Variants in DOCK5 observed in about 807,000 individuals in gnomAD.
DOCK5 encodes dedicator of cytokinesis 5.
A neutral mutation model predicts 251.8 loss-of-function variants in DOCK5; 142 were observed. The observed-to-expected ratio is 0.56, with a 90% CI of 0.49 to 0.65. The LOEUF (loss-of-function observed/expected upper bound fraction) is 0.65, where lower values mean the gene tolerates loss of function less well. Ranked by LOEUF, DOCK5 falls within the 30% of genes least tolerant of loss-of-function variation. The probability of loss-of-function intolerance (pLI) is 0.00; values close to 1 mark genes in which losing one functional copy is unlikely to be tolerated. For synonymous variants in DOCK5, 842 were observed against 835.5 expected (o/e 1.01, Z -0.13); for missense variants, 2,111 against 2,312.3 (o/e 0.91, Z 1.79).
intron 28 of DOCK5, among the ~76,000 whole-genome samples, chr8:25,361,070 ATGC>A (rs1456576304): frequency 7.2e-5 from 11 of 152,180 alleles, no homozygotes; most frequent in Non-Finnish European, 1.5e-4. Flanking sequence ...TCAGTCCCTC[ATGC>A]TGCCTTCTGA....
At chr8:25,189,954 T>C (rs146309671) in intron 1 of DOCK5, among the ~76,000 whole-genome samples, 10,837 of 152,210 alleles carry the variant, frequency 0.071, 532 homozygotes, top group African/African-American at 0.13. Context: ...TGGTGCAATC[T>C]TGGCTCACTG....
chr8:25,236,690 C>T (rs994889519), intron 1 of DOCK5, among the ~76,000 whole-genome samples: 8 of 152,250 alleles, frequency 5.3e-5, no homozygotes, highest in African/African-American at 1.2e-4. Flanking sequence ...AAGCGATTCT[C>T]CTGCCTCAGC....
intron 1 of DOCK5, among the ~76,000 whole-genome samples, chr8:25,239,376 G>A (rs1346313056): frequency 3.0e-5 from 4 of 133,948 alleles, no homozygotes; most frequent in Non-Finnish European, 6.2e-5. Flanking sequence ...TGTGTTTCCA[G>A]CAGTCCTTGG....
intron 26 of DOCK5, among the ~76,000 whole-genome samples, chr8:25,345,935 C>T (rs1355903123): frequency 1.3e-5 from 2 of 152,056 alleles, no homozygotes; most frequent in Non-Finnish European, 2.9e-5. Context: ...CTGCAAGCTC[C>T]GCCTCCCGGG....
chr8:25,390,490 T>A (rs1801238504), intron 42 of DOCK5, among the ~76,000 whole-genome samples: 1 of 152,170 alleles, frequency 6.6e-6, no homozygotes, highest in South Asian at 2.1e-4. Flanking sequence ...TTGGAGTACA[T>A]CAAAACCAAA....
At chr8:25,221,690 A>G (rs1287148833) in intron 1 of DOCK5, among the ~76,000 whole-genome samples, 2 of 152,142 alleles carry the variant, frequency 1.3e-5, no homozygotes, top group Non-Finnish European at 2.9e-5. Context: ...CATCATCATC[A>G]TTAGTTGAGT....
At chr8:25,363,833 C>T (rs1037867413) in intron 29 of DOCK5, among the ~76,000 whole-genome samples, 1 of 152,248 alleles carries the variant, frequency 6.6e-6, no homozygotes, top group East Asian at 1.9e-4. Context: ...CTCTGGCTGT[C>T]AGCATTCCAG....
rs1801253862 is a variant in DOCK5 at position 25,391,201 on chromosome 8, GTGTGTGTGTGTGTGTGTGTGTGTGT to G, written c.4356-694_4356-670del. Among the ~76,000 whole-genome samples, 74 of 139,726 alleles carry G rather than the reference GTGTGTGTGTGTGTGTGTGTGTGTGT, an allele frequency of 5.3e-4. 1 individual carries two copies. Among genetic ancestry groups the G allele is most frequent in the South Asian group, 4.9e-3 (22 of 4,468 alleles). 91.7% of individuals were successfully genotyped at this position (139,726 alleles called of 152,430 possible). On this transcript the variant is annotated intron_variant, in intron 42 of 51. Transcript: ENST00000276440. ...CTGGGACATACACCACCACACCTGTGTGTGTGTGTGTGTGTGTGTGTGTGTGTGTGTGTGTGTGTGTGTGTGTGTA... is the reference window on the plus strand; with the variant it reads ...CTGGGACATACACCACCACACCTGTGGTGTGTGTGTGTGTGTGTGTGTGTA...
chr8:25,283,147 G>T (rs1247595176), intron 5 of DOCK5, among the ~76,000 whole-genome samples: 1 of 152,156 alleles, frequency 6.6e-6, no homozygotes, highest in Non-Finnish European at 1.5e-5. Flanking sequence ...AAGGGGAGGG[G>T]AGTATGTACA....
intron 1 of DOCK5, among the ~76,000 whole-genome samples, chr8:25,190,277 A>G (rs1412675937): frequency 6.6e-6 from 1 of 152,220 alleles, no homozygotes; most frequent in East Asian, 1.9e-4. Context: ...TAGAAAATGA[A>G]AACAGCCGTA....
rs183214329 is a variant in DOCK5, at chr8:25,357,871, C to G, written c.2851-1092C>G. Among the ~76,000 whole-genome samples, 705 of 151,990 alleles carry G rather than the reference C, an allele frequency of 4.6e-3. 5 individuals are homozygous for G. The highest frequency in any genetic ancestry group is 0.016 in the African/African-American group (662 of 41,448). Reference sequence around the variant, plus strand: ...CTGCATGAATACAGGAGGTTAGCACCCCTGGATCTTTACTCCCTGTCTAAA... The same window carrying G: ...CTGCATGAATACAGGAGGTTAGCACGCCTGGATCTTTACTCCCTGTCTAAA... On this transcript the variant is annotated intron_variant, in intron 27 of 51. Coordinates refer to ENST00000276440, the MANE Select transcript of DOCK5 (RefSeq NM_024940.8).
At chr8:25,314,817 A>T (rs957070260) in intron 13 of DOCK5, among the ~76,000 whole-genome samples, 7 of 138,060 alleles carry the variant, frequency 5.1e-5, no homozygotes, top group East Asian at 2.2e-4. Context: ...GTCACCCTTG[A>T]TATCTCCTTT....
intron 1 of DOCK5, among the ~76,000 whole-genome samples, chr8:25,225,726 A>G (rs1339654267): frequency 6.6e-6 from 1 of 151,912 alleles, no homozygotes; most frequent in Non-Finnish European, 1.5e-5. Flanking sequence ...AAAAAAGGAA[A>G]TTCTGACACA....
chr8:25,319,453 G>T (rs948923382), intron 14 of DOCK5, 125 bp from the exon 15 acceptor site: 5 of 554,050 alleles, frequency 9.0e-6, no homozygotes, highest in African/African-American at 3.8e-5. Flanking sequence ...TTAATCAGCC[G>T]ATCAGTGCCA....
At chr8:25,248,526 G>A (rs1397516462) in intron 2 of DOCK5, among the ~76,000 whole-genome samples, 1 of 151,960 alleles carries the variant, frequency 6.6e-6, no homozygotes, top group Admixed American at 6.6e-5. Context: ...TCTGCACTCT[G>A]CCCCACCCTG....
At position 25,415,199 on chromosome 8, in the gene DOCK5, T is replaced by C. The variant is rs1345329040; in HGVS notation, c.*3901T>C. On this transcript the variant is annotated 3_prime_UTR_variant, in exon 52 of 52. Transcript: ENST00000276440. ...ATTGAAATATTGACACAGATTACCA[T>C]AATTTGTGCAACATCTTATAAACAA... The C allele has an allele frequency of 2.0e-5, 3 of 152,176 alleles. No homozygotes were observed. The highest frequency in any genetic ancestry group is 4.4e-5 in the Non-Finnish European group (3 of 68,034). The allele number at this position is 152,176 out of a possible 1,614,324, so 9.4% of individuals were successfully genotyped here.
intron 20 of DOCK5, among the ~76,000 whole-genome samples, chr8:25,333,865 G>A (rs1586337594): frequency 6.6e-6 from 1 of 152,164 alleles, no homozygotes; most frequent in South Asian, 2.1e-4. Context: ...ATGCTGGCTT[G>A]AGTTGGTTTC....
In DOCK5 at chr8:25,377,434, G is replaced by A. The variant is rs1286887118; in HGVS notation, c.3936+10G>A. The A allele has an allele frequency of 1.2e-6, 2 of 1,611,720 alleles. No individual in the cohort carries two copies. Among genetic ancestry groups the A allele is most frequent in the Non-Finnish European group, 1.7e-6 (2 of 1,178,954 alleles). On this transcript the variant is annotated intron_variant, in intron 38 of 51. Coordinates refer to ENST00000276440, the MANE Select transcript of DOCK5 (RefSeq NM_024940.8). ...TTTCGACAAAGGCAAAGTGAGTATT[G>A]GATTGTTTTTGTACTAGGGGAAAGA...
chr8:25,197,067 GT>G (rs1801747443), intron 1 of DOCK5, among the ~76,000 whole-genome samples: 1 of 151,880 alleles, frequency 6.6e-6, no homozygotes, highest in African/African-American at 2.4e-5. Context: ...AAGAAAAATC[GT>G]TTTCCCCTTC....
Sources: allele counts gnomAD v4.1 joint callset (sites outside exome capture counted in the v4.1 genomes callset), GRCh38; gene constraint gnomAD v4.1.1; transcripts MANE v1.5; gene names NCBI Gene and HGNC (gene_info 2026-07-23, HGNC 2026-07-21).